Variants in ARHGAP28 observed in about 807,000 individuals in gnomAD.
ARHGAP28 encodes rho GTPase-activating protein 28.
Under a neutral mutation model 90.7 loss-of-function variants are expected in ARHGAP28, and 56 were observed. The observed-to-expected ratio is 0.62, with a 90% CI of 0.50 to 0.77. The LOEUF (loss-of-function observed/expected upper bound fraction) is 0.77, where lower values mean the gene tolerates loss of function less well. ARHGAP28 is among the 30% of genes least tolerant of loss of function. The pLI is 0.00. For missense variants in ARHGAP28, 869 were observed against 900.9 expected, an observed-to-expected ratio of 0.96 and a Z score of 0.45; for synonymous variants, 308 against 323.3, an observed-to-expected ratio of 0.95 and a Z score of 0.51.
chr18:6,862,246 A>C (rs1049183252), intron 5 of ARHGAP28, among the ~76,000 whole-genome samples: 3 of 152,110 alleles, frequency 2.0e-5, no homozygotes, highest in Non-Finnish European at 1.5e-5. Context: ...AGAAGGAGGG[A>C]TATCCGGTAA....
chr18:6,889,064 A>G lies in ARHGAP28; in HGVS notation c.1537-824A>G, dbSNP rs530960040. On this transcript the variant is annotated intron_variant, in intron 12 of 17. Coordinates refer to ENST00000383472, the MANE Select transcript of ARHGAP28 (RefSeq NM_001366230.1). ...GAATATATATAAAGTACTAAGAGTA[A>G]CGCCTGGCTCACAGCAAACCCTCAA... 4.6e-5 allele frequency among the ~76,000 whole-genome samples: 7 copies of G among 152,352 alleles called. No individual in the cohort carries two copies. The South Asian group carries it at 1.4e-3, about 32-fold the overall frequency.
intron 4 of ARHGAP28, among the ~76,000 whole-genome samples, chr18:6,852,851 G>A (rs2056921124): frequency 6.6e-6 from 1 of 152,132 alleles, no homozygotes. Flanking sequence ...CAAATGGCAA[G>A]GAGACAGGAG....
At position 6,882,350 on chromosome 18, in the gene ARHGAP28, G is replaced by A. The variant is rs750507242; in HGVS notation, c.1453+51G>A. Reference sequence around the variant, plus strand: ...TACGCTAAGATATAAGGTCAATAAAGTGAGAGCAGAAGAGAGATGCTGAAT... The same window carrying A: ...TACGCTAAGATATAAGGTCAATAAAATGAGAGCAGAAGAGAGATGCTGAAT... On this transcript the variant is annotated intron_variant, in intron 11 of 17. Coordinates refer to ENST00000383472, the MANE Select transcript of ARHGAP28 (RefSeq NM_001366230.1). 3 of 1,540,270 alleles carry A rather than the reference G, an allele frequency of 1.9e-6. No homozygotes were observed. In the East Asian group the frequency reaches 6.8e-5, roughly 35 times the overall value.
intron 1 of ARHGAP28, among the ~76,000 whole-genome samples, chr18:6,732,572 G>T (rs1030037168): frequency 6.6e-6 from 1 of 152,214 alleles, no homozygotes; most frequent in Non-Finnish European, 1.5e-5. Flanking sequence ...AAGCTGAGCT[G>T]CTCCATCATG....
chr18:6,833,167 T>G (rs1274346133), intron 2 of ARHGAP28, among the ~76,000 whole-genome samples: 1 of 152,044 alleles, frequency 6.6e-6, no homozygotes, highest in African/African-American at 2.4e-5. Flanking sequence ...CAGGGACCAT[T>G]TGAGAGTAAC....
At position 6,772,252 on chromosome 18, in the gene ARHGAP28, C is replaced by T. The variant is rs58270645; in HGVS notation, c.122+42309C>T. ...CCATGAATTTCATTTGTACATTAAC[C>T]ATCTTAATAGTATGTTTCAACTGGG... is the stretch of plus-strand genomic sequence containing the variant. On this transcript the variant is annotated intron_variant, in intron 1 of 17. Coordinates refer to ENST00000383472, the MANE Select transcript of ARHGAP28 (RefSeq NM_001366230.1). Among the ~76,000 whole-genome samples the T allele has an allele frequency of 2.7e-3, 417 of 152,226 alleles. 3 individuals are homozygous for T. The highest frequency in any genetic ancestry group is 9.6e-3 in the African/African-American group (398 of 41,532).
At chr18:6,783,927 C>T (rs907473667) in intron 1 of ARHGAP28, among the ~76,000 whole-genome samples, 12 of 152,202 alleles carry the variant, frequency 7.9e-5, no homozygotes, top group Admixed American at 7.9e-4. Flanking sequence ...GTAACCACTC[C>T]CTCCCTTTGG....
chr18:6,729,799 C>A lies in ARHGAP28; in HGVS notation c.-23C>A. The A allele has an allele frequency of 2.2e-6, 3 of 1,388,874 alleles. No homozygotes were observed. Among genetic ancestry groups the A allele is most frequent in the Non-Finnish European group, 2.8e-6 (3 of 1,074,396 alleles). 86.0% of individuals were successfully genotyped at this position (1,388,874 alleles called of 1,614,324 possible). On this transcript the variant is annotated 5_prime_UTR_variant, in exon 1 of 18. Transcript: ENST00000383472. ...GTCCCGGTCTTTGTTCTGGGGCCGG[C>A]GCCGAGACATGCGCGGCTGACGATG...
intron 16 of ARHGAP28, 61 bp from the exon 17 acceptor site, chr18:6,908,899 G>C: frequency 6.2e-6 from 6 of 966,762 alleles, no homozygotes; most frequent in Non-Finnish European, 9.8e-6. Context: ...TATTTAACAT[G>C]CATTTTTACC....
intron 3 of ARHGAP28, among the ~76,000 whole-genome samples, chr18:6,842,843 AC>A (rs771917483): frequency 1.3e-5 from 2 of 152,118 alleles, no homozygotes; most frequent in Non-Finnish European, 2.9e-5. Context: ...TATCCCATAT[AC>A]CCCATAAATA....
intron 1 of ARHGAP28, among the ~76,000 whole-genome samples, chr18:6,811,796 T>C (rs2056558970): frequency 2.6e-5 from 4 of 152,214 alleles, no homozygotes; most frequent in Admixed American, 2.6e-4. Context: ...CTCAAAAGGT[T>C]ACTCAAATAG....
chr18:6,846,024 A>T (rs1296394985), intron 3 of ARHGAP28, among the ~76,000 whole-genome samples: 1 of 152,116 alleles, frequency 6.6e-6, no homozygotes, highest in Non-Finnish European at 1.5e-5. Context: ...CCCATGCATG[A>T]TCTATACCAT....
rs554528674 is a variant in ARHGAP28, at chr18:6,884,571, G to A, written c.1453+2272G>A. ...GTATTTCTCCAAAGAATGTTGTTTG[G>A]TTTCTTTTACTATTGTTGCTCTTTT... On this transcript the variant is annotated intron_variant, in intron 11 of 17. Coordinates refer to ENST00000383472, the MANE Select transcript of ARHGAP28 (RefSeq NM_001366230.1). 1.1e-4 allele frequency among the ~76,000 whole-genome samples: 17 copies of A among 152,276 alleles called. No homozygotes were observed. In the South Asian group the frequency reaches 3.5e-3, roughly 32 times the overall value.
At chr18:6,875,842 A>T (rs1328857308) in intron 9 of ARHGAP28, among the ~76,000 whole-genome samples, 3 of 152,220 alleles carry the variant, frequency 2.0e-5, no homozygotes, top group African/African-American at 7.2e-5. Context: ...GTTAAGAGGC[A>T]TGTATAATTT....
At chr18:6,860,624 G>T (rs890249716) in intron 5 of ARHGAP28, among the ~76,000 whole-genome samples, 1 of 152,190 alleles carries the variant, frequency 6.6e-6, no homozygotes, top group Non-Finnish European at 1.5e-5. Context: ...CAAAGGTTCT[G>T]CTGGGGCAGT....
At chr18:6,735,971 C>T (rs1023624217) in intron 1 of ARHGAP28, among the ~76,000 whole-genome samples, 3 of 152,106 alleles carry the variant, frequency 2.0e-5, no homozygotes, top group Admixed American at 6.5e-5. Context: ...GTTTGATCTT[C>T]GGGATAAGGT....
chr18:6,799,366 C>T (rs1372225248), intron 1 of ARHGAP28, among the ~76,000 whole-genome samples: 3 of 152,122 alleles, frequency 2.0e-5, no homozygotes, highest in African/African-American at 7.2e-5. Flanking sequence ...TGACTTTCTT[C>T]ACAGAATTAG....
intron 1 of ARHGAP28, chr18:6,774,323 C>A (rs190141249): frequency 6.6e-6 from 1 of 152,212 alleles, no homozygotes; most frequent in South Asian, 2.1e-4. Flanking sequence ...GAAAGGAAGG[C>A]GCAGATAGCT....
chr18:6,876,322 C>A, intron 10 of ARHGAP28, 114 bp downstream of exon 10: 1 of 758,298 alleles, frequency 1.3e-6, no homozygotes, highest in South Asian at 1.7e-5. Flanking sequence ...ATCACTTGGT[C>A]CTTCCTAGTA....
Sources: allele counts gnomAD v4.1 joint callset (sites outside exome capture counted in the v4.1 genomes callset), GRCh38; gene constraint gnomAD v4.1.1; transcripts MANE v1.5; gene names NCBI Gene and HGNC (gene_info 2026-07-23, HGNC 2026-07-21).